The following EYS variants were observed in gnomAD, a reference collection of about 807,000 sequenced individuals.
The protein encoded by EYS is EGF-like photoreceptor maintenance factor, also known as protein eyes shut homolog.
EYS carries 250 observed loss-of-function variants against 282.1 expected under a neutral mutation model. The ratio of observed to expected loss-of-function variants is 0.89; its 90% CI spans 0.80 to 0.98. The LOEUF is 0.98. Ranked by LOEUF, EYS falls within the 50% of genes least tolerant of loss-of-function variation. EYS has a pLI of 0.00. For synonymous variants in EYS, 1,355 were observed against 1,282.9 expected (o/e 1.06, Z -1.20); for missense variants, 4,016 against 3,709.0 (o/e 1.08, Z -2.15).
chr6:65,364,554 C>A (rs4273668), intron 8 of EYS, among the ~76,000 whole-genome samples: 102,330 of 150,972 alleles, frequency 0.68, 34,912 homozygotes, highest in South Asian at 0.71. Context: ...ATTAAGACTT[C>A]TTATGATATC....
intron 22 of EYS, among the ~76,000 whole-genome samples, chr6:64,744,288 T>G (rs768979349): frequency 2.6e-5 from 4 of 152,128 alleles, no homozygotes; most frequent in Non-Finnish European, 5.9e-5. Context: ...AATTCAATTT[T>G]CCAGTTAAAA....
Position 64,439,260 on chromosome 6 carries a change from T to G in EYS, c.5737A>C (p.Thr1913Pro). The G allele has an allele frequency of 6.6e-7, 1 of 1,515,708 alleles. No individual in the cohort carries two copies. The highest frequency in any genetic ancestry group is 1.3e-5 in the South Asian group (1 of 76,588). The allele number at this position is 1,515,708 out of a possible 1,614,324, so 93.9% of individuals were successfully genotyped here. A position where few individuals can be genotyped will look rare whatever the true frequency, so the allele number is the denominator to read the frequency against. The stretch of plus-strand genomic sequence containing the variant: ...AGCAGAAGTCCATAGGAGCTGAAGG[T>G]CTGAAATTCTAGGGAGATGTTATTT... The part of the protein sequence containing the change: ...PQNNISLEFQ[T>P]FSSYGLLLYV... Residue 1913 changes from threonine (T) to proline (P), a missense_variant, in exon 27 of 43, where the codon ACC becomes CCC. Thr to Pro is a conservative substitution (Grantham distance 38). Transcript: ENST00000503581.
At chr6:64,539,436 G>A (rs1266026907) in intron 26 of EYS, among the ~76,000 whole-genome samples, 2 of 152,114 alleles carry the variant, frequency 1.3e-5, no homozygotes, top group African/African-American at 2.4e-5. Context: ...TCATCTGGGT[G>A]TGGCAGTGCA....
intron 19 of EYS, among the ~76,000 whole-genome samples, chr6:64,832,614 A>G (rs973829791): frequency 6.6e-6 from 1 of 151,914 alleles, no homozygotes; most frequent in South Asian, 2.1e-4. Context: ...AAAAAGATAA[A>G]TAAATAACAC....
At position 64,831,338 on chromosome 6, in the gene EYS, A is replaced by G. The variant is rs184856978; in HGVS notation, c.2993-8516T>C. Among the ~76,000 whole-genome samples, 4 of 152,156 alleles carry G rather than the reference A, an allele frequency of 2.6e-5. No individual in the cohort carries two copies. The East Asian group carries it at 7.8e-4, about 30-fold the overall frequency. ...ATTGGCGGTATATATCAAATACTGGATTAAACCAGCATAGATTTAGCATTT... is the reference window on the plus strand; with the variant it reads ...ATTGGCGGTATATATCAAATACTGGGTTAAACCAGCATAGATTTAGCATTT... On this transcript the variant is annotated intron_variant, in intron 19 of 42. Coordinates refer to ENST00000503581, the MANE Select transcript of EYS (RefSeq NM_001142800.2).
chr6:65,240,758 T>G (rs1171389360), intron 12 of EYS, among the ~76,000 whole-genome samples: 1 of 152,212 alleles, frequency 6.6e-6, no homozygotes, highest in African/African-American at 2.4e-5. Flanking sequence ...ATTGCATGTG[T>G]CTTTTTAGTA....
intron 12 of EYS, among the ~76,000 whole-genome samples, chr6:65,139,441 A>G (rs1169722881): frequency 6.6e-6 from 1 of 152,076 alleles, no homozygotes; most frequent in Non-Finnish European, 1.5e-5. Flanking sequence ...TTGAGGGTGA[A>G]GGGAAGGAAG....
chr6:64,028,850 G>A (rs1453739611), intron 33 of EYS, among the ~76,000 whole-genome samples: 1 of 152,192 alleles, frequency 6.6e-6, no homozygotes, highest in Non-Finnish European at 1.5e-5. Context: ...GGTACAAGGT[G>A]TCTAGGTCAA....
intron 5 of EYS, among the ~76,000 whole-genome samples, chr6:65,417,144 A>C (rs562941365): frequency 8.6e-5 from 13 of 151,852 alleles, no homozygotes; most frequent in Non-Finnish European, 1.6e-4. Flanking sequence ...AGTAGTATTC[A>C]TTGTAGTAGT....
At chr6:63,877,383 C>A (rs551970002) in intron 35 of EYS, among the ~76,000 whole-genome samples, 15 of 152,282 alleles carry the variant, frequency 9.9e-5, no homozygotes, top group African/African-American at 3.4e-4. Flanking sequence ...CCTGACCTTT[C>A]TCTCTGGCCG....
At chr6:65,083,180 C>T (rs1774273591) in intron 12 of EYS, among the ~76,000 whole-genome samples, 1 of 151,924 alleles carries the variant, frequency 6.6e-6, no homozygotes, top group Admixed American at 6.6e-5. Flanking sequence ...TTCATTTTCT[C>T]AGTATTAGAC....
At chr6:63,789,281 C>T (rs547293977) in intron 37 of EYS, 57 bp from the exon 38 acceptor site, 1 of 1,502,216 alleles carries the variant, frequency 6.7e-7, no homozygotes, top group Non-Finnish European at 9.0e-7. Context: ...GGAGTTCCGT[C>T]AGCTTTATTT....
intron 2 of EYS, among the ~76,000 whole-genome samples, chr6:65,621,668 G>T (rs1435300222): frequency 6.6e-6 from 1 of 151,608 alleles, no homozygotes; most frequent in Admixed American, 6.6e-5. Flanking sequence ...TTACATTTTG[G>T]CATGATTTTG....
intron 12 of EYS, among the ~76,000 whole-genome samples, chr6:65,171,932 T>A (rs1276860247): frequency 6.6e-6 from 1 of 151,474 alleles, no homozygotes; most frequent in Admixed American, 6.6e-5. Context: ...TTATATACCA[T>A]GAATATTATG....
intron 33 of EYS, among the ~76,000 whole-genome samples, chr6:64,062,425 C>T (rs549261339): frequency 3.3e-4 from 50 of 152,260 alleles, no homozygotes; most frequent in African/African-American, 1.2e-3. Context: ...GGCTTGGTGG[C>T]TCACACCTGT....
chr6:65,169,075 G>C (rs1015415290), intron 12 of EYS, among the ~76,000 whole-genome samples: 8 of 151,358 alleles, frequency 5.3e-5, no homozygotes, highest in African/African-American at 1.7e-4. Flanking sequence ...TTTACTTTAT[G>C]TACTAATGTA....
At chr6:63,833,763 G>C (rs1451863223) in intron 36 of EYS, among the ~76,000 whole-genome samples, 4 of 152,142 alleles carry the variant, frequency 2.6e-5, no homozygotes, top group African/African-American at 9.7e-5. Context: ...ACAATCCTAA[G>C]CCAAAAGAAC....
intron 2 of EYS, among the ~76,000 whole-genome samples, chr6:65,520,204 C>T (rs765634325): frequency 2.0e-5 from 3 of 151,974 alleles, no homozygotes; most frequent in Non-Finnish European, 4.4e-5. Context: ...ACTCAGAAAG[C>T]ATATGGGGCC....
At chr6:65,110,368 A>G (rs1220364425) in intron 12 of EYS, among the ~76,000 whole-genome samples, 1 of 152,196 alleles carries the variant, frequency 6.6e-6, no homozygotes, top group Non-Finnish European at 1.5e-5. Context: ...ACAAATGTGT[A>G]AGCAAATAAA....
Sources: gnomAD v4.1 joint callset for allele counts (sites outside exome capture counted in the v4.1 genomes callset) on GRCh38, gnomAD v4.1.1 for gene constraint, MANE v1.5 for transcripts, NCBI Gene and HGNC (gene_info 2026-07-23, HGNC 2026-07-21) for gene names.